The following CLSTN2 variants were observed in gnomAD, a reference collection of about 807,000 sequenced individuals.
CLSTN2 encodes the protein calsyntenin 2, also known as calsyntenin-2.
CLSTN2 carries 48 observed loss-of-function variants against 101.2 expected under a neutral mutation model. The ratio of observed to expected loss-of-function variants is 0.47; its 90% confidence interval spans 0.38 to 0.60. The LOEUF is 0.60. Ranked by LOEUF, CLSTN2 falls within the 20% of genes least tolerant of loss-of-function variation. CLSTN2 has a pLI of 0.00. For synonymous variants in CLSTN2, 481 were observed against 463.6 expected (o/e 1.04, Z -0.48); for missense variants, 1,160 against 1,238.2 (o/e 0.94, Z 0.95).
At chr3:140,336,751 T>C (rs1340356331) in intron 2 of CLSTN2, among the ~76,000 whole-genome samples, 1 of 152,004 alleles carries the variant, frequency 6.6e-6, no homozygotes, top group African/African-American at 2.4e-5. Context: ...GGGGAGAGCT[T>C]TTGTATCTTT....
At chr3:139,953,929 GTT>G (rs1320109259) in intron 1 of CLSTN2, among the ~76,000 whole-genome samples, 1,580 of 144,320 alleles carry the variant, frequency 0.011, 25 homozygotes, top group African/African-American at 0.038. Context: ...GTGTGTGTGT[GTT>G]TGTGTGTGTG....
intron 1 of CLSTN2, among the ~76,000 whole-genome samples, chr3:140,096,210 T>C (rs1365997729): frequency 6.6e-6 from 1 of 152,192 alleles, no homozygotes; most frequent in Non-Finnish European, 1.5e-5. Flanking sequence ...GGTTTCATGC[T>C]GTCCCCAGCT....
At chr3:140,211,405 C>CACACACACACACACAG (rs2010853163) in intron 2 of CLSTN2, among the ~76,000 whole-genome samples, 1 of 146,672 alleles carries the variant, frequency 6.8e-6, no homozygotes, top group Non-Finnish European at 1.5e-5. Context: ...AATTCACACA[C>CACACACACACACACAG]ACACACACAC....
At chr3:140,419,702 T>TATGTATATATGTATATATACGTATATAC (rs1164430101) in intron 4 of CLSTN2, among the ~76,000 whole-genome samples, 1 of 64,764 alleles carries the variant, frequency 1.5e-5, no homozygotes, top group Admixed American at 1.3e-4. Context: ...CGTATATGAA[T>TATGTATATATGTATATATACGTATATAC]ATGTATATAT....
At chr3:140,362,873 T>TG (rs1416161265) in intron 2 of CLSTN2, among the ~76,000 whole-genome samples, 1 of 152,122 alleles carries the variant, frequency 6.6e-6, no homozygotes, top group Non-Finnish European at 1.5e-5. Context: ...CATTTCTTGG[T>TG]GGGGGTGGAA....
Position 140,403,705 on chromosome 3 carries a change from G to A in CLSTN2, c.309G>A (p.Glu103=). The change falls in exon 3 of 17, where the codon GAG becomes GAA. Residue 103 remains glutamate (E), a synonymous_variant. Transcript: ENST00000458420. ...TGGTGCTCAACAAGACATCAGGAGA[G>A]GGCCGGCTCCGTGCCAAGAGCCCCA... is the stretch of plus-strand genomic sequence containing the variant. ...EAVVLNKTSG[E]GRLRAKSPID... 1 of 1,614,188 alleles carries A rather than the reference G, an allele frequency of 6.2e-7. No homozygotes were observed.
intron 2 of CLSTN2, among the ~76,000 whole-genome samples, chr3:140,226,156 T>C (rs1462446938): frequency 6.6e-6 from 1 of 152,136 alleles, no homozygotes; most frequent in African/African-American, 2.4e-5. Context: ...TCCATTTATA[T>C]AACATTCTTA....
At position 140,009,409 on chromosome 3, in the gene CLSTN2, T is replaced by C. The variant is rs576546971; in HGVS notation, c.109+73926T>C. ...TCAGAAAAGAATTTAAAATCACCAATAATCTCTTCACCCAGAAATAATGAA... is the reference window on the plus strand; with the variant it reads ...TCAGAAAAGAATTTAAAATCACCAACAATCTCTTCACCCAGAAATAATGAA... On this transcript the variant is annotated intron_variant, in intron 1 of 16. Coordinates refer to ENST00000458420, the MANE Select transcript of CLSTN2 (RefSeq NM_022131.3). 7.9e-5 allele frequency among the ~76,000 whole-genome samples: 12 copies of C among 152,322 alleles called. No homozygotes were observed. The South Asian group carries it at 2.5e-3, about 32-fold the overall frequency.
intron 2 of CLSTN2, among the ~76,000 whole-genome samples, chr3:140,372,382 A>G (rs1407977941): frequency 6.6e-6 from 1 of 152,206 alleles, no homozygotes; most frequent in Non-Finnish European, 1.5e-5. Flanking sequence ...TTGCTAGAGC[A>G]TCTTTTCCCA....
At position 140,566,841 on chromosome 3, in the gene CLSTN2, G is replaced by A. The variant is rs1985272169; in HGVS notation, c.*588G>A. ...CTCTCTCTGTCTATCTAGTTCCCCA[G>A]CTTGGAGAGCCTTTCCCCTTGCTTC... On this transcript the variant is annotated 3_prime_UTR_variant, in exon 17 of 17. Coordinates refer to ENST00000458420, the MANE Select transcript of CLSTN2 (RefSeq NM_022131.3). The A allele has an allele frequency of 1.3e-5, 2 of 153,428 alleles. No individual in the cohort carries two copies. Among genetic ancestry groups the A allele is most frequent in the African/African-American group, 4.8e-5 (2 of 41,312 alleles). 9.5% of individuals were successfully genotyped at this position (153,428 alleles called of 1,614,324 possible). A position where few individuals can be genotyped will look rare whatever the true frequency, so the allele number is the denominator to read the frequency against.
At chr3:140,556,693 T>G in intron 11 of CLSTN2, 32 bp downstream of exon 11, 1 of 1,605,706 alleles carries the variant, frequency 6.2e-7, no homozygotes, top group Non-Finnish European at 8.5e-7. Context: ...TGGGGCCAAC[T>G]GAGGCAGCAG....
intron 7 of CLSTN2, among the ~76,000 whole-genome samples, chr3:140,463,436 A>T (rs923274082): frequency 2.0e-5 from 3 of 151,962 alleles, no homozygotes; most frequent in Admixed American, 1.3e-4. Context: ...TAGGAAAGGG[A>T]TGGGGGTATT....
intron 8 of CLSTN2, chr3:140,505,848 A>G (rs1432028862): frequency 6.6e-6 from 1 of 152,186 alleles, no homozygotes; most frequent in African/African-American, 2.4e-5. Context: ...TACATTACTG[A>G]GTAGTTAACT....
chr3:140,299,822 G>A (rs1371921026), intron 2 of CLSTN2, among the ~76,000 whole-genome samples: 1 of 152,150 alleles, frequency 6.6e-6, no homozygotes, highest in Non-Finnish European at 1.5e-5. Flanking sequence ...AATTTAGTTT[G>A]CATGGACATG....
chr3:140,443,347 C>G (rs533471497), intron 5 of CLSTN2, among the ~76,000 whole-genome samples: 2 of 152,246 alleles, frequency 1.3e-5, no homozygotes, highest in Admixed American at 6.5e-5. Flanking sequence ...AGCGCCAAAG[C>G]CTATGCTTTC....
At chr3:140,333,642 C>T (rs370192458) in intron 2 of CLSTN2, among the ~76,000 whole-genome samples, 6 of 151,776 alleles carry the variant, frequency 4.0e-5, no homozygotes, top group East Asian at 3.9e-4. Flanking sequence ...ATCATTTATG[C>T]CAACTTTCAT....
intron 1 of CLSTN2, among the ~76,000 whole-genome samples, chr3:140,046,684 C>T (rs1215413718): frequency 6.6e-6 from 1 of 152,116 alleles, no homozygotes. Context: ...GGGCTTCCTT[C>T]AGGAGCTCTT....
intron 1 of CLSTN2, among the ~76,000 whole-genome samples, chr3:140,036,147 T>C (rs2007648045): frequency 6.6e-6 from 1 of 152,238 alleles, no homozygotes; most frequent in Non-Finnish European, 1.5e-5. Flanking sequence ...TGCTTGCCCT[T>C]GTTTCCTGGT....
intron 2 of CLSTN2, among the ~76,000 whole-genome samples, chr3:140,332,116 T>C (rs1239864421): frequency 6.6e-6 from 1 of 152,124 alleles, no homozygotes; most frequent in Non-Finnish European, 1.5e-5. Flanking sequence ...GGTCCCTCTA[T>C]CAGCCCAGGG....
Sources: gnomAD v4.1 joint callset for allele counts (sites outside exome capture counted in the v4.1 genomes callset) on GRCh38, gnomAD v4.1.1 for gene constraint, MANE v1.5 for transcripts, NCBI Gene and HGNC (gene_info 2026-07-23, HGNC 2026-07-21) for gene names.